The following ZNF627 variants were observed in gnomAD, a reference collection of about 807,000 sequenced individuals.
ZNF627 encodes the protein zinc finger protein 627.
A neutral mutation model predicts 10.6 loss-of-function variants in ZNF627; 12 were observed. The observed-to-expected ratio is 1.13, with a 90% confidence interval of 0.73 to 1.84. The LOEUF (loss-of-function observed/expected upper bound fraction) is 1.84. Ranked by LOEUF, ZNF627 falls within the 40% of genes most tolerant of loss-of-function variation. The pLI is 0.00. For missense variants in ZNF627, 504 were observed against 568.4 expected (o/e 0.89, Z 1.15); for synonymous variants, 176 against 187.1 (o/e 0.94, Z 0.48).
chr19:11,617,387 G>A lies in ZNF627; in HGVS notation c.884G>A (p.Arg295Gln), dbSNP rs766483088. ...GCCTTTAGGTGCGCCAGTTCTGTTC[G>A]AAGTCACGAGAGGACTCACACCGGA... ...GKAFRCASSVRSHERTHTGEK... is the reference protein window; with the variant it reads ...GKAFRCASSVQSHERTHTGEK... The change falls in exon 4 of 4, where the codon CGA becomes CAA. Residue 295 changes from arginine (R) to glutamine (Q), a missense_variant. By Grantham distance (43) the Arg-to-Gln change is conservative. Transcript: ENST00000361113. 32 of 1,613,902 alleles carry A rather than the reference G, an allele frequency of 2.0e-5. No individual in the cohort carries two copies. The highest frequency in any genetic ancestry group is 1.1e-4 in the East Asian group (5 of 44,898).
chr19:11,598,320 G>A (rs1973527846), intron 1 of ZNF627, among the ~76,000 whole-genome samples: 1 of 152,084 alleles, frequency 6.6e-6, no homozygotes, highest in African/African-American at 2.4e-5. Context: ...GATCGCTTGG[G>A]CCCAGGAGTT....
At chr19:11,605,487 A>G (rs1973659046) in intron 1 of ZNF627, among the ~76,000 whole-genome samples, 1 of 152,152 alleles carries the variant, frequency 6.6e-6, no homozygotes, top group Admixed American at 6.6e-5. Context: ...ACTTACAAGT[A>G]TGGTGGAAGG....
Position 11,617,756 on chromosome 19 carries a change from C to T in ZNF627, c.1253C>T (p.Pro418Leu). 6.2e-7 allele frequency: 1 copy of T among 1,613,372 alleles called. No homozygotes were observed. The highest frequency in any genetic ancestry group is 8.5e-7 in the Non-Finnish European group (1 of 1,179,854). The change falls in exon 4 of 4, where the codon CCC (proline) becomes CTC (leucine). Residue 418 changes from proline (P) to leucine (L), a missense_variant. Transcript: ENST00000361113. ...GAAAGAACTCACACTGGAGAGAAAC[C>T]CTATGAATGTAAGCAATGTGGGAAA... is the stretch of plus-strand genomic sequence containing the variant. The part of the protein sequence containing the change: ...IHERTHTGEK[P>L]YECKQCGKAF...
intron 1 of ZNF627, among the ~76,000 whole-genome samples, chr19:11,598,561 G>T (rs1254946407): frequency 6.6e-6 from 1 of 152,144 alleles, no homozygotes; most frequent in Non-Finnish European, 1.5e-5. Flanking sequence ...GGGGGACAGG[G>T]TCCCAAATCC....
At chr19:11,603,396 C>G (rs558050871) in intron 1 of ZNF627, among the ~76,000 whole-genome samples, 1 of 150,946 alleles carries the variant, frequency 6.6e-6, no homozygotes, top group Non-Finnish European at 1.5e-5. Context: ...ATTCTCCCAC[C>G]TCAGTCTCCC....
chr19:11,608,624 T>C (rs1027797713), intron 1 of ZNF627, among the ~76,000 whole-genome samples: 3 of 152,222 alleles, frequency 2.0e-5, no homozygotes, highest in African/African-American at 7.2e-5. Flanking sequence ...TATGTGCTTA[T>C]TGGCCATTTG....
At chr19:11,615,446 A>G (rs1973850007) in intron 3 of ZNF627, among the ~76,000 whole-genome samples, 1 of 148,544 alleles carries the variant, frequency 6.7e-6, no homozygotes, top group Non-Finnish European at 1.5e-5. Context: ...TAAAAATACA[A>G]AAAAAAAGTT....
chr19:11,615,803 C>T lies in ZNF627; in HGVS notation c.192-892C>T, dbSNP rs1238163953. ...TGCCATCTTGGCTCACTGCAACCTC[C>T]GCCTCCTGGATTCAAGCGATTCTCC... On this transcript the variant is annotated intron_variant, in intron 3 of 3. Coordinates refer to ENST00000361113, the MANE Select transcript of ZNF627 (RefSeq NM_145295.4). 4.8e-4 allele frequency among the ~76,000 whole-genome samples: 70 copies of T among 146,104 alleles called. 1 individual carries two copies. The highest frequency in any genetic ancestry group is 4.3e-3 in the Admixed American group (63 of 14,578).
At chr19:11,616,248 G>A (rs761810703) in intron 3 of ZNF627, among the ~76,000 whole-genome samples, 20 of 151,928 alleles carry the variant, frequency 1.3e-4, no homozygotes, top group Non-Finnish European at 2.2e-4. Flanking sequence ...GTTTCTCCAC[G>A]TTGGTCAAGC....
chr19:11,597,508 G>A lies in ZNF627; in HGVS notation c.-120G>A. ...GTTTCTGGCGACCGTCCCCACCCGG[G>A]CTCGCGTCTCCGTTTCTCCGAGAGG... is the stretch of plus-strand genomic sequence containing the variant. On this transcript the variant is annotated 5_prime_UTR_variant, in exon 1 of 4. Transcript: ENST00000361113. 3 of 1,096,280 alleles carry A rather than the reference G, an allele frequency of 2.7e-6. No individual in the cohort carries two copies. Among genetic ancestry groups the A allele is most frequent in the South Asian group, 4.4e-5 (1 of 22,630 alleles). The allele number at this position is 1,096,280 out of a possible 1,614,324, so 67.9% of individuals were successfully genotyped here.
chr19:11,599,297 C>A (rs1355851057), intron 1 of ZNF627, among the ~76,000 whole-genome samples: 2 of 152,130 alleles, frequency 1.3e-5, no homozygotes, highest in Non-Finnish European at 2.9e-5. Context: ...AAAGCTCACC[C>A]CTGGGACACT....
At chr19:11,612,057 T>A (rs189946580) in intron 1 of ZNF627, among the ~76,000 whole-genome samples, 1 of 152,088 alleles carries the variant, frequency 6.6e-6, no homozygotes, top group African/African-American at 2.4e-5. Flanking sequence ...TTTTAGCTGT[T>A]ACCTTTAGGT....
chr19:11,604,273 G>C (rs534032977), intron 1 of ZNF627: 204 of 152,174 alleles, frequency 1.3e-3, no homozygotes, highest in African/African-American at 4.8e-3. Context: ...CCTGTGTCTG[G>C]TGGGGCATCT....
chr19:11,600,082 G>T (rs1049287225), intron 1 of ZNF627, among the ~76,000 whole-genome samples: 3 of 152,050 alleles, frequency 2.0e-5, no homozygotes, highest in Non-Finnish European at 4.4e-5. Context: ...AGACAGTTTT[G>T]CAAAGAGGCA....
intron 1 of ZNF627, among the ~76,000 whole-genome samples, chr19:11,611,304 C>T (rs1973768258): frequency 6.6e-6 from 1 of 151,824 alleles, no homozygotes; most frequent in Admixed American, 6.6e-5. Context: ...TGCCTTTTCC[C>T]AGTGTTGATA....
intron 1 of ZNF627, among the ~76,000 whole-genome samples, chr19:11,601,582 G>C (rs973603587): frequency 6.6e-6 from 1 of 151,920 alleles, no homozygotes; most frequent in Non-Finnish European, 1.5e-5. Context: ...TCCTGGCCTC[G>C]AGCAATCCTC....
intron 1 of ZNF627, 87 bp downstream of exon 1, chr19:11,597,717 C>A: frequency 1.6e-6 from 2 of 1,283,974 alleles, no homozygotes; most frequent in Non-Finnish European, 2.0e-6. Context: ...ACCTAGGCCT[C>A]CCTGCGGCGA....
At chr19:11,614,777 T>C in intron 2 of ZNF627, 50 bp from the exon 3 acceptor site, 1 of 1,587,460 alleles carries the variant, frequency 6.3e-7, no homozygotes, top group Non-Finnish European at 8.6e-7. Context: ...TAATACTTTT[T>C]TCATAATTTT....
At position 11,609,937 on chromosome 19, in the gene ZNF627, C is replaced by T. The variant is rs151106972; in HGVS notation, c.4-4590C>T. 3.8e-3 allele frequency among the ~76,000 whole-genome samples: 575 copies of T among 152,078 alleles called. 4 individuals are homozygous for T. The highest frequency in any genetic ancestry group is 5.9e-3 in the Non-Finnish European group (404 of 68,010). On this transcript the variant is annotated intron_variant, in intron 1 of 3. Coordinates refer to ENST00000361113, the MANE Select transcript of ZNF627 (RefSeq NM_145295.4). Reference sequence around the variant, plus strand: ...TTGCTTAAAGTCTTCGTCCAGTGAGCGCAATAACTGGAGATTCTCAAAGAT... The same window carrying T: ...TTGCTTAAAGTCTTCGTCCAGTGAGTGCAATAACTGGAGATTCTCAAAGAT...
Sources: allele counts gnomAD v4.1 joint callset (sites outside exome capture counted in the v4.1 genomes callset), GRCh38; gene constraint gnomAD v4.1.1; transcripts MANE v1.5; gene names NCBI Gene and HGNC (gene_info 2026-07-23, HGNC 2026-07-21).